The following KCNH1 variants were observed in gnomAD, a reference collection of about 807,000 sequenced individuals.
KCNH1 encodes potassium voltage-gated channel subfamily H member 1, also known as voltage-gated delayed rectifier potassium channel KCNH1.
KCNH1 carries 27 observed loss-of-function variants against 69.2 expected under a neutral mutation model. That is an observed-to-expected ratio of 0.39 (90% CI 0.29 to 0.54). The LOEUF (loss-of-function observed/expected upper bound fraction) is 0.54, where lower values mean the gene tolerates loss of function less well. Ranked by LOEUF, KCNH1 falls within the 20% of genes least tolerant of loss-of-function variation. KCNH1 has a pLI of 0.68. For missense variants in KCNH1, 798 were observed against 1,261.6 expected, an observed-to-expected ratio of 0.63 and a Z score of 5.57; for synonymous variants, 456 against 487.7, an observed-to-expected ratio of 0.93 and a Z score of 0.86.
intron 7 of KCNH1, among the ~76,000 whole-genome samples, chr1:210,809,120 A>G (rs1684645997): frequency 6.7e-6 from 1 of 149,862 alleles, no homozygotes; most frequent in African/African-American, 2.4e-5. Flanking sequence ...AAGAAAAAAG[A>G]TAGTATTCTC....
intron 7 of KCNH1, among the ~76,000 whole-genome samples, chr1:210,832,526 T>G (rs1159041263): frequency 6.6e-6 from 1 of 152,162 alleles, no homozygotes; most frequent in African/African-American, 2.4e-5. Context: ...GTATATAAAT[T>G]CATTTTTAAA....
At chr1:210,832,245 G>C (rs553250050) in intron 7 of KCNH1, among the ~76,000 whole-genome samples, 2 of 152,192 alleles carry the variant, frequency 1.3e-5, no homozygotes, top group Admixed American at 6.5e-5. Context: ...GACCAAAAAG[G>C]CTATACTCTC....
chr1:211,093,446 T>A (rs1691091039), intron 3 of KCNH1, among the ~76,000 whole-genome samples: 2 of 152,132 alleles, frequency 1.3e-5, no homozygotes, highest in African/African-American at 4.8e-5. Context: ...CCACCACACC[T>A]GGCTAATTTT....
intron 8 of KCNH1, among the ~76,000 whole-genome samples, chr1:210,802,277 C>A (rs1574265102): frequency 6.6e-6 from 1 of 152,224 alleles, no homozygotes; most frequent in Non-Finnish European, 1.5e-5. Context: ...TCCTTTTAAA[C>A]TGTCAACTCT....
chr1:210,814,308 A>T (rs903246550), intron 7 of KCNH1, among the ~76,000 whole-genome samples: 1 of 152,170 alleles, frequency 6.6e-6, no homozygotes, highest in African/African-American at 2.4e-5. Flanking sequence ...TATATTTTTT[A>T]ATAAGTGGGA....
intron 10 of KCNH1, among the ~76,000 whole-genome samples, chr1:210,685,295 T>C (rs1231238118): frequency 6.6e-6 from 1 of 152,172 alleles, no homozygotes; most frequent in Non-Finnish European, 1.5e-5. Flanking sequence ...AATTTCTGAT[T>C]TGAGGACTAG....
intron 5 of KCNH1, among the ~76,000 whole-genome samples, chr1:211,030,229 T>C (rs1439646719): frequency 6.6e-6 from 1 of 152,204 alleles, no homozygotes; most frequent in East Asian, 1.9e-4. Context: ...ATAAAGTGGT[T>C]CAAACTCATC....
chr1:210,720,376 C>T (rs1020896569), intron 10 of KCNH1, among the ~76,000 whole-genome samples: 5 of 152,260 alleles, frequency 3.3e-5, no homozygotes, highest in African/African-American at 1.2e-4. Flanking sequence ...ATTTACATTG[C>T]ATTGGCTTGT....
chr1:210,724,834 T>C (rs955152992), intron 10 of KCNH1, among the ~76,000 whole-genome samples: 2 of 152,180 alleles, frequency 1.3e-5, no homozygotes, highest in Non-Finnish European at 2.9e-5. Flanking sequence ...CCAATTCCAA[T>C]GAATGCTTCA....
chr1:210,861,831 A>G, intron 7 of KCNH1: 1 of 758,172 alleles, frequency 1.3e-6, no homozygotes, highest in Admixed American at 1.8e-5. Flanking sequence ...TCACAAGCTG[A>G]TAAAGGCAAA....
rs1336611067 is a variant in KCNH1, at chr1:210,920,061, G to A, written c.1041C>T (p.Ser347=). Residue 347 remains serine (S), a synonymous_variant, in exon 7 of 11, where the codon AGC becomes AGT. Coordinates refer to ENST00000271751, the MANE Select transcript of KCNH1 (RefSeq NM_172362.3). ...CAACTTTTAGAGAGCTGAACAGGCT[G>A]CTGATGCCCTGGGAGAAGAGGAACA... The part of the protein sequence containing the change: ...PLEGRESQGI[S]SLFSSLKVVR... 1 of 1,611,812 alleles carries A rather than the reference G, an allele frequency of 6.2e-7. No homozygotes were observed. Among genetic ancestry groups the A allele is most frequent in the East Asian group, 2.2e-5 (1 of 44,836 alleles).
At chr1:210,845,060 C>A (rs537226405) in intron 7 of KCNH1, among the ~76,000 whole-genome samples, 11 of 151,946 alleles carry the variant, frequency 7.2e-5, no homozygotes, top group African/African-American at 1.2e-4. Flanking sequence ...GACCAATAAC[C>A]GGCTCTGAAA....
chr1:210,890,856 A>C (rs947177344), intron 7 of KCNH1, among the ~76,000 whole-genome samples: 1 of 152,220 alleles, frequency 6.6e-6, no homozygotes, highest in African/African-American at 2.4e-5. Flanking sequence ...ATCCCACAGC[A>C]GTTAGAATGA....
chr1:211,085,953 A>G (rs1690945028), intron 4 of KCNH1, among the ~76,000 whole-genome samples: 1 of 152,178 alleles, frequency 6.6e-6, no homozygotes, highest in Non-Finnish European at 1.5e-5. Flanking sequence ...AAGGAAGGAT[A>G]CTGACCTACC....
At chr1:210,755,806 G>T (rs1488082284) in intron 10 of KCNH1, among the ~76,000 whole-genome samples, 1 of 152,102 alleles carries the variant, frequency 6.6e-6, no homozygotes. Flanking sequence ...AAAAGAAAGC[G>T]GCTTCCACTC....
chr1:211,001,759 C>T (rs967301227), intron 6 of KCNH1, among the ~76,000 whole-genome samples: 3 of 152,078 alleles, frequency 2.0e-5, no homozygotes, highest in African/African-American at 4.8e-5. Context: ...GACTTGGAAC[C>T]AACCCAAATG....
At chr1:210,757,962 A>T (rs987070270) in intron 10 of KCNH1, among the ~76,000 whole-genome samples, 1 of 152,242 alleles carries the variant, frequency 6.6e-6, no homozygotes, top group African/African-American at 2.4e-5. Context: ...CTGGGCTGAC[A>T]GCCTCCTCCA....
intron 1 of KCNH1, among the ~76,000 whole-genome samples, chr1:211,118,510 C>T (rs1404888022): frequency 6.6e-6 from 1 of 152,206 alleles, no homozygotes; most frequent in East Asian, 1.9e-4. Context: ...CCCTAAGGGT[C>T]TATAGCTGCA....
chr1:211,114,272 G>A (rs1691527263), intron 1 of KCNH1, among the ~76,000 whole-genome samples: 1 of 152,048 alleles, frequency 6.6e-6, no homozygotes, highest in African/African-American at 2.4e-5. Context: ...CACCATCTTA[G>A]AAGCAATGAG....
Sources: gnomAD v4.1 joint callset for allele counts (sites outside exome capture counted in the v4.1 genomes callset) on GRCh38, gnomAD v4.1.1 for gene constraint, MANE v1.5 for transcripts, NCBI Gene and HGNC (gene_info 2026-07-23, HGNC 2026-07-21) for gene names.